The following BAIAP2L1 variants were observed in gnomAD, a reference collection of about 807,000 sequenced individuals.
BAIAP2L1 encodes BAR/IMD domain-containing adapter protein 2-like 1.
In BAIAP2L1, 35 loss-of-function variants were observed where a neutral mutation model predicts 66.3. The observed-to-expected ratio is 0.53, with a 90% CI of 0.40 to 0.70. The LOEUF is 0.70. Among genes scored for constraint, BAIAP2L1 ranks in the 30% least tolerant of loss-of-function variants. The pLI is 0.00. For synonymous variants in BAIAP2L1, 269 were observed against 248.7 expected (o/e 1.08, Z -0.77); for missense variants, 622 against 656.9 (o/e 0.95, Z 0.58).
intron 2 of BAIAP2L1, among the ~76,000 whole-genome samples, chr7:98,356,582 G>A (rs1286311170): frequency 1.3e-5 from 2 of 149,352 alleles, no homozygotes; most frequent in African/African-American, 4.9e-5. Flanking sequence ...CTGCAGCCTT[G>A]ACCTCCTGGG....
intron 12 of BAIAP2L1, among the ~76,000 whole-genome samples, chr7:98,300,262 CCCCCTGCT>C (rs916709435): frequency 4.4e-4 from 3 of 6,746 alleles, no homozygotes; most frequent in African/African-American, 7.4e-4. Context: ...CACAGCCATT[CCCCCTGCT>C]CCCTGCTCCC....
At chr7:98,386,171 C>G in intron 1 of BAIAP2L1, 1 of 1,578,902 alleles carries the variant, frequency 6.3e-7, no homozygotes, top group East Asian at 2.2e-5. Flanking sequence ...GTAAAACCAA[C>G]ACAGAACAGA....
Position 98,324,454 on chromosome 7 carries a change from A to G in BAIAP2L1, c.215-4156T>C, listed in dbSNP as rs1389836225. The stretch of plus-strand genomic sequence containing the variant: ...AACAAATATGCCCAACATTTTGGAC[A>G]CTATTGTATAAAGAGATGCATTTAG... On this transcript the variant is annotated intron_variant, in intron 3 of 13. Transcript: ENST00000005260. 2.0e-5 allele frequency among the ~76,000 whole-genome samples: 3 copies of G among 152,242 alleles called. 1 individual carries two copies. Among genetic ancestry groups the G allele is most frequent in the African/African-American group, 7.2e-5 (3 of 41,464 alleles).
At chr7:98,294,547 A>G (rs1472966128) in intron 12 of BAIAP2L1, among the ~76,000 whole-genome samples, 1 of 152,230 alleles carries the variant, frequency 6.6e-6, no homozygotes, top group Non-Finnish European at 1.5e-5. Flanking sequence ...ACTCGGAAAC[A>G]GTTTCACAAA....
intron 3 of BAIAP2L1, among the ~76,000 whole-genome samples, chr7:98,353,379 A>G (rs1194770412): frequency 7.2e-6 from 1 of 138,214 alleles, no homozygotes; most frequent in Non-Finnish European, 1.5e-5. Context: ...ATATATTTAT[A>G]TTATGTATAT....
intron 9 of BAIAP2L1, chr7:98,308,144 T>C (rs191549448): frequency 1.6e-6 from 1 of 631,924 alleles, no homozygotes; most frequent in Non-Finnish European, 2.9e-6. Context: ...GGCTGCGGGC[T>C]CTTTTCCAGG....
At chr7:98,389,978 G>A (rs1469577428) in intron 1 of BAIAP2L1, among the ~76,000 whole-genome samples, 1 of 145,550 alleles carries the variant, frequency 6.9e-6, no homozygotes, top group East Asian at 2.0e-4. Flanking sequence ...TGCAGTGGCG[G>A]GATCTTGGCT....
At chr7:98,335,380 A>G (rs1801595784) in intron 3 of BAIAP2L1, among the ~76,000 whole-genome samples, 1 of 151,996 alleles carries the variant, frequency 6.6e-6, no homozygotes, top group Admixed American at 6.6e-5. Flanking sequence ...ATGAAATCCT[A>G]TAGGCTTTGT....
chr7:98,344,027 A>C (rs1801813740), intron 3 of BAIAP2L1, among the ~76,000 whole-genome samples: 1 of 152,194 alleles, frequency 6.6e-6, no homozygotes, highest in African/African-American at 2.4e-5. Flanking sequence ...AAAAATACAA[A>C]AAAATCAGCT....
At chr7:98,304,816 C>A (rs923965401) in intron 11 of BAIAP2L1, among the ~76,000 whole-genome samples, 2 of 151,810 alleles carry the variant, frequency 1.3e-5, no homozygotes, top group Non-Finnish European at 2.9e-5. Flanking sequence ...CCACACCCGG[C>A]CTAAAACACT....
At chr7:98,399,309 T>C (rs1803293338) in intron 1 of BAIAP2L1, among the ~76,000 whole-genome samples, 1 of 152,236 alleles carries the variant, frequency 6.6e-6, no homozygotes, top group Non-Finnish European at 1.5e-5. Flanking sequence ...TGTGACAGTA[T>C]ACACTTTGTG....
At chr7:98,309,493 CAG>C (rs1334567215) in intron 9 of BAIAP2L1, 1 of 152,098 alleles carries the variant, frequency 6.6e-6, no homozygotes, top group African/African-American at 2.4e-5. Context: ...CAATAAGAAC[CAG>C]AGTCATCTGA....
intron 8 of BAIAP2L1, 94 bp from the exon 9 acceptor site, chr7:98,310,686 C>CTATTTATTTATTTATT (rs3062609): frequency 1.3e-6 from 1 of 792,524 alleles, no homozygotes; most frequent in African/African-American, 1.8e-5. Flanking sequence ...AAATAATAGG[C>CTATTTATTTATTTATT]TATTTATTTA....
At chr7:98,397,337 T>TC (rs1803237743) in intron 1 of BAIAP2L1, among the ~76,000 whole-genome samples, 1 of 146,542 alleles carries the variant, frequency 6.8e-6, no homozygotes, top group East Asian at 2.0e-4. Context: ...TTTTTTTTTT[T>TC]TTTTTGAGAT....
At chr7:98,397,787 T>G (rs1235535328) in intron 1 of BAIAP2L1, among the ~76,000 whole-genome samples, 1 of 152,096 alleles carries the variant, frequency 6.6e-6, no homozygotes, top group Non-Finnish European at 1.5e-5. Flanking sequence ...CTATAAAGTG[T>G]GGAGTGGGGA....
rs1800014874 is a variant in BAIAP2L1 at position 98,292,613 on chromosome 7, A to G, written c.*908T>C. ...AGGTTCCGAGGGCATCATGGCTGCTAGGCTGAAAAACCCGCCCTTCTCCAG... is the reference window on the plus strand; with the variant it reads ...AGGTTCCGAGGGCATCATGGCTGCTGGGCTGAAAAACCCGCCCTTCTCCAG... On this transcript the variant is annotated 3_prime_UTR_variant, in exon 14 of 14. Coordinates refer to ENST00000005260, the MANE Select transcript of BAIAP2L1 (RefSeq NM_018842.5). 6.4e-7 allele frequency: 1 copy of G among 1,550,734 alleles called. No homozygotes were observed.
intron 6 of BAIAP2L1, among the ~76,000 whole-genome samples, chr7:98,316,795 C>T (rs1267873385): frequency 6.6e-6 from 1 of 152,136 alleles, no homozygotes; most frequent in Admixed American, 6.5e-5. Flanking sequence ...ACACAATGAC[C>T]ATCCTCAGCT....
chr7:98,343,292 C>G (rs1171625824), intron 3 of BAIAP2L1, among the ~76,000 whole-genome samples: 6 of 146,074 alleles, frequency 4.1e-5, no homozygotes, highest in African/African-American at 1.3e-4. Context: ...CACACAGACA[C>G]ACACACACAC....
chr7:98,308,979 G>A (rs994021514), intron 9 of BAIAP2L1: 3 of 147,420 alleles, frequency 2.0e-5, no homozygotes, highest in Non-Finnish European at 3.0e-5. Flanking sequence ...GCTTCTGGCC[G>A]TTTTTTTTTT....
Sources: allele counts gnomAD v4.1 joint callset (sites outside exome capture counted in the v4.1 genomes callset), GRCh38; gene constraint gnomAD v4.1.1; transcripts MANE v1.5; gene names NCBI Gene and HGNC (gene_info 2026-07-23, HGNC 2026-07-21).